The following EGFLAM variants were observed in gnomAD, a reference collection of about 807,000 sequenced individuals.
EGFLAM encodes the protein pikachurin.
EGFLAM carries 79 observed loss-of-function variants against 113.1 expected under a neutral mutation model. That is an observed-to-expected ratio of 0.70 (90% confidence interval 0.58 to 0.84). The LOEUF is 0.84. Ranked by LOEUF, EGFLAM falls within the 40% of genes least tolerant of loss-of-function variation. The probability of loss-of-function intolerance (pLI) is 0.00; values close to 1 mark genes in which losing one functional copy is unlikely to be tolerated. For missense variants in EGFLAM, 1,265 were observed against 1,291.6 expected (o/e 0.98, Z 0.32); for synonymous variants, 504 against 487.6 (o/e 1.03, Z -0.44).
intron 1 of EGFLAM, among the ~76,000 whole-genome samples, chr5:38,296,687 T>A (rs1392013702): frequency 6.6e-6 from 1 of 151,294 alleles, no homozygotes; most frequent in East Asian, 1.9e-4. Flanking sequence ...TAAAATATAA[T>A]TTTTATAATT....
intron 5 of EGFLAM, among the ~76,000 whole-genome samples, chr5:38,368,208 C>T (rs1451793274): frequency 2.6e-5 from 4 of 152,168 alleles, no homozygotes; most frequent in African/African-American, 9.7e-5. Flanking sequence ...CTGTGGTTTT[C>T]CTCTGCGAAG....
intron 1 of EGFLAM, among the ~76,000 whole-genome samples, chr5:38,260,799 A>C (rs574283246): frequency 6.6e-6 from 1 of 152,300 alleles, no homozygotes; most frequent in South Asian, 2.1e-4. Flanking sequence ...GCTCATTTAC[A>C]TCCCTTGGAA....
chr5:38,384,706 A>G (rs1740610096), intron 6 of EGFLAM, among the ~76,000 whole-genome samples: 2 of 152,070 alleles, frequency 1.3e-5, no homozygotes, highest in African/African-American at 2.4e-5. Flanking sequence ...AGAGGTTAAG[A>G]AAGTTTGGGG....
intron 1 of EGFLAM, among the ~76,000 whole-genome samples, chr5:38,265,306 G>T (rs371099511): frequency 6.6e-5 from 10 of 152,310 alleles, no homozygotes; most frequent in Middle Eastern, 3.4e-3. Flanking sequence ...CGAGGCTGAG[G>T]TGGGACTCCA....
At chr5:38,383,114 G>A (rs1052664140) in intron 6 of EGFLAM, among the ~76,000 whole-genome samples, 8 of 152,146 alleles carry the variant, frequency 5.3e-5, no homozygotes, top group African/African-American at 1.7e-4. Context: ...ATTAGATTGC[G>A]TCAGATAGAG....
chr5:38,426,804 T>A (rs960340043), intron 13 of EGFLAM, among the ~76,000 whole-genome samples: 1 of 151,944 alleles, frequency 6.6e-6, no homozygotes, highest in African/African-American at 2.4e-5. Context: ...TGGAGGGAAG[T>A]TTTAGGGGCC....
intron 5 of EGFLAM, among the ~76,000 whole-genome samples, chr5:38,352,638 C>T (rs1384776061): frequency 6.7e-6 from 1 of 149,182 alleles, no homozygotes; most frequent in African/African-American, 2.5e-5. Context: ...CAGAGCAAGA[C>T]TCCATCCCAA....
At chr5:38,348,511 T>C (rs527704471) in intron 3 of EGFLAM, among the ~76,000 whole-genome samples, 2 of 152,216 alleles carry the variant, frequency 1.3e-5, no homozygotes, top group South Asian at 2.1e-4. Context: ...GACAATGGTA[T>C]TGAAAGCTGC....
chr5:38,384,932 AT>A (rs1740617949), intron 6 of EGFLAM, among the ~76,000 whole-genome samples: 1 of 152,146 alleles, frequency 6.6e-6, no homozygotes, highest in Non-Finnish European at 1.5e-5. Context: ...TGCTACTGGC[AT>A]TTAGTCAGTA....
At chr5:38,370,501 C>T (rs1456311733) in intron 6 of EGFLAM, 39 bp downstream of exon 6, 1 of 1,594,038 alleles carries the variant, frequency 6.3e-7, no homozygotes, top group Non-Finnish European at 8.6e-7. Flanking sequence ...AAGGGAGCTG[C>T]ATATCTGGGC....
intron 15 of EGFLAM, among the ~76,000 whole-genome samples, chr5:38,433,506 C>T (rs1157738557): frequency 2.0e-5 from 3 of 152,180 alleles, no homozygotes; most frequent in Non-Finnish European, 4.4e-5. Flanking sequence ...TGCGGTCCCC[C>T]TTGGGCATGG....
At chr5:38,445,832 C>T in intron 17 of EGFLAM, 9 of 1,005,782 alleles carry the variant, frequency 8.9e-6, no homozygotes, top group South Asian at 1.3e-5. Flanking sequence ...GAAGCCTCCC[C>T]GCCGGCCAGC....
intron 11 of EGFLAM, among the ~76,000 whole-genome samples, chr5:38,417,168 G>A (rs566166467): frequency 3.3e-5 from 5 of 152,050 alleles, no homozygotes; most frequent in African/African-American, 9.6e-5. Flanking sequence ...CCTGACCAAC[G>A]TGGTGAAACC....
intron 1 of EGFLAM, among the ~76,000 whole-genome samples, chr5:38,290,275 G>A (rs1033591497): frequency 1.3e-5 from 2 of 152,150 alleles, no homozygotes; most frequent in African/African-American, 4.8e-5. Flanking sequence ...GTTTTCCACC[G>A]ATTCCTATCC....
At chr5:38,436,420 T>C (rs985142376) in intron 16 of EGFLAM, among the ~76,000 whole-genome samples, 1 of 152,156 alleles carries the variant, frequency 6.6e-6, no homozygotes, top group African/African-American at 2.4e-5. Flanking sequence ...GGGCCCCTGG[T>C]ACTGTGACCA....
intron 12 of EGFLAM, among the ~76,000 whole-genome samples, chr5:38,419,543 C>G (rs1258191292): frequency 6.6e-6 from 1 of 152,182 alleles, no homozygotes; most frequent in Non-Finnish European, 1.5e-5. Flanking sequence ...CAATTCATCC[C>G]TTTCTCCATT....
At chr5:38,415,944 C>A (rs1398866011) in intron 11 of EGFLAM, among the ~76,000 whole-genome samples, 1 of 152,102 alleles carries the variant, frequency 6.6e-6, no homozygotes, top group African/African-American at 2.4e-5. Flanking sequence ...GGGGTAACCA[C>A]CCCCATGATT....
intron 5 of EGFLAM, among the ~76,000 whole-genome samples, chr5:38,360,516 A>C (rs948925232): frequency 6.6e-6 from 1 of 152,174 alleles, no homozygotes; most frequent in African/African-American, 2.4e-5. Flanking sequence ...TGGATTGCGT[A>C]ACACACAGGC....
At chr5:38,324,843 G>A (rs566371386) in intron 1 of EGFLAM, among the ~76,000 whole-genome samples, 1 of 152,320 alleles carries the variant, frequency 6.6e-6, no homozygotes, top group Admixed American at 6.5e-5. Flanking sequence ...CTTCCCTGAA[G>A]AAGAGAGGAT....
Sources: allele counts gnomAD v4.1 joint callset (sites outside exome capture counted in the v4.1 genomes callset), GRCh38; gene constraint gnomAD v4.1.1; transcripts MANE v1.5; gene names NCBI Gene and HGNC (gene_info 2026-07-23, HGNC 2026-07-21).